Variants in SEM1 observed in about 807,000 individuals in gnomAD.
SEM1 encodes the protein SEM1 26S proteasome subunit.
In SEM1, 3 loss-of-function variants were observed where a neutral mutation model predicts 12.7. That is an observed-to-expected ratio of 0.24 (90% confidence interval 0.11 to 0.61). The LOEUF (loss-of-function observed/expected upper bound fraction) is 0.61, where lower values mean the gene tolerates loss of function less well. Ranked by LOEUF, SEM1 falls within the 20% of genes least tolerant of loss-of-function variation. The pLI, the probability that SEM1 is intolerant of heterozygous loss-of-function variation, is 0.88. For synonymous variants in SEM1, 30 were observed against 27.8 expected, an observed-to-expected ratio of 1.08 and a Z score of -0.25; for missense variants, 59 against 81.3, an observed-to-expected ratio of 0.73 and a Z score of 1.06.
chr7:96,519,514 G>A (rs1804202232), intron 2 of SEM1, among the ~76,000 whole-genome samples: 1 of 152,046 alleles, frequency 6.6e-6, no homozygotes, highest in Non-Finnish European at 1.5e-5. Flanking sequence ...TGGGTGGGTT[G>A]AGATTTTTTA....
intron 3 of SEM1, among the ~76,000 whole-genome samples, chr7:96,501,727 A>T (rs543471161): frequency 6.6e-6 from 1 of 152,216 alleles, no homozygotes; most frequent in African/African-American, 2.4e-5. Context: ...AATTATTATT[A>T]TTTTTTAATA....
intron 2 of SEM1, among the ~76,000 whole-genome samples, chr7:96,520,580 C>A (rs1461429306): frequency 6.6e-6 from 1 of 152,106 alleles, no homozygotes; most frequent in African/African-American, 2.4e-5. Flanking sequence ...CTAGTCTCTT[C>A]CTCCTTCTCC....
At chr7:96,629,376 C>T (rs1808173918) in intron 2 of SEM1, among the ~76,000 whole-genome samples, 1 of 151,774 alleles carries the variant, frequency 6.6e-6, no homozygotes. Context: ...TTTTCAAATA[C>T]TCTATCTTCA....
intron 2 of SEM1, among the ~76,000 whole-genome samples, chr7:96,612,705 A>T (rs1025867362): frequency 6.6e-6 from 1 of 152,032 alleles, no homozygotes; most frequent in African/African-American, 2.4e-5. Flanking sequence ...GCGCAATCTC[A>T]GCTCACTGCA....
At chr7:96,524,216 A>G (rs946655522) in intron 2 of SEM1, among the ~76,000 whole-genome samples, 1 of 152,120 alleles carries the variant, frequency 6.6e-6, no homozygotes, top group African/African-American at 2.4e-5. Flanking sequence ...CCGCCATTTC[A>G]TACCTTTATT....
chr7:96,612,125 C>T (rs1807558942), intron 2 of SEM1, among the ~76,000 whole-genome samples: 1 of 152,174 alleles, frequency 6.6e-6, no homozygotes, highest in Non-Finnish European at 1.5e-5. Flanking sequence ...AGGCGCTTCA[C>T]AGTTTATAAA....
intron 1 of SEM1, among the ~76,000 whole-genome samples, chr7:96,488,527 T>C (rs1473405018): frequency 2.0e-5 from 3 of 152,120 alleles, no homozygotes; most frequent in Non-Finnish European, 4.4e-5. Context: ...GTGACTACAA[T>C]GCAAGCAACT....
In SEM1 at chr7:96,694,799, G is replaced by A. The variant is rs199922834; in HGVS notation, c.169C>T (p.Arg57Ter). 46 of 1,594,242 alleles carry A rather than the reference G, an allele frequency of 2.9e-5. No individual in the cohort carries two copies. Among genetic ancestry groups the A allele is most frequent in the South Asian group, 5.5e-5 (5 of 90,252 alleles). ...NVEDDFSNQL[R>*]AELEKHGYKM... is the part of the protein sequence containing the mutation. ...ATAAAAATCTGGCTTAAAACTTACC[G>A]TAACTGATTAGAGAAGTCATCCTCT... The change falls in exon 2 of 3, where the codon CGA becomes TGA. Residue 57 changes from arginine to a stop codon, truncating the protein, a stop_gained and splice_region_variant. Coordinates refer to ENST00000248566, the MANE Select transcript of SEM1 (RefSeq NM_006304.2). LOFTEE classifies it high-confidence loss of function.
At chr7:96,599,292 T>C (rs1195340826) in intron 2 of SEM1, among the ~76,000 whole-genome samples, 1 of 152,158 alleles carries the variant, frequency 6.6e-6, no homozygotes, top group East Asian at 1.9e-4. Flanking sequence ...TATTGGTGAC[T>C]GAAAGCCTTT....
intron 2 of SEM1, among the ~76,000 whole-genome samples, chr7:96,530,005 A>G (rs555241122): frequency 1.3e-5 from 2 of 152,092 alleles, no homozygotes; most frequent in East Asian, 1.9e-4. Context: ...AAAACTCTCA[A>G]CTAGCATTCG....
chr7:96,522,012 T>A (rs1804288329), intron 2 of SEM1, among the ~76,000 whole-genome samples: 1 of 152,128 alleles, frequency 6.6e-6, no homozygotes, highest in Non-Finnish European at 1.5e-5. Flanking sequence ...AAACAGATCT[T>A]AGAGAAAGAG....
intron 2 of SEM1, among the ~76,000 whole-genome samples, chr7:96,519,051 G>A (rs1804186850): frequency 1.3e-5 from 2 of 152,138 alleles, no homozygotes; most frequent in Non-Finnish European, 2.9e-5. Flanking sequence ...GCAGGGAGAA[G>A]GGTCACAAAG....
At chr7:96,489,649 A>C (rs971364084) in intron 1 of SEM1, among the ~76,000 whole-genome samples, 15 of 152,154 alleles carry the variant, frequency 9.9e-5, no homozygotes, top group Non-Finnish European at 2.2e-4. Context: ...CTTCTCTCAC[A>C]GTTCTGGAGT....
At chr7:96,692,114 TA>T (rs1789947628) in intron 2 of SEM1, among the ~76,000 whole-genome samples, 1 of 152,142 alleles carries the variant, frequency 6.6e-6, no homozygotes, top group African/African-American at 2.4e-5. Flanking sequence ...GGGTGTATTA[TA>T]AAAACAGTAA....
At chr7:96,614,937 G>A (rs1032453418) in intron 2 of SEM1, among the ~76,000 whole-genome samples, 1 of 152,070 alleles carries the variant, frequency 6.6e-6, no homozygotes, top group African/African-American at 2.4e-5. Context: ...TTTTTCTTAT[G>A]AGCCTCTATC....
chr7:96,616,384 G>GT (rs963644502), intron 2 of SEM1, among the ~76,000 whole-genome samples: 2 of 151,170 alleles, frequency 1.3e-5, no homozygotes, highest in Admixed American at 6.6e-5. Flanking sequence ...CTTTACAATG[G>GT]TTTTTTTTCA....
chr7:96,572,368 GA>G lies in SEM1; in HGVS notation c.171-65671del, dbSNP rs746195238. Among the ~76,000 whole-genome samples, 142 of 152,180 alleles carry G rather than the reference GA, an allele frequency of 9.3e-4. 1 individual carries two copies. Among genetic ancestry groups the G allele is most frequent in the South Asian group, 6.2e-4 (3 of 4,820 alleles). On this transcript the variant is annotated intron_variant and NMD_transcript_variant, in intron 2 of 3. Transcript: ENST00000466986. ...TTGCTTCTCTAGTTCCTTTAATCGT[GA>G]TGTTAGGGTGACAATTTTTAGATCT... is the stretch of plus-strand genomic sequence containing the variant.
At chr7:96,669,667 G>A (rs1338314042), downstream of SEM1, among the ~76,000 whole-genome samples, 3 of 152,156 alleles carry the variant, frequency 2.0e-5, no homozygotes, top group African/African-American at 7.2e-5. Flanking sequence ...CATAAGATAA[G>A]TGGCCTGACT....
chr7:96,592,397 G>GTACA (rs1806857285), intron 2 of SEM1, among the ~76,000 whole-genome samples: 1 of 152,002 alleles, frequency 6.6e-6, no homozygotes, highest in African/African-American at 2.4e-5. Context: ...TCACTTGTAT[G>GTACA]TACAATACGT....
Sources: gnomAD v4.1 joint callset for allele counts (sites outside exome capture counted in the v4.1 genomes callset) on GRCh38, gnomAD v4.1.1 for gene constraint, MANE v1.5 for transcripts, NCBI Gene and HGNC (gene_info 2026-07-23, HGNC 2026-07-21) for gene names.